The following NCOA3 variants were observed in gnomAD, a reference collection of about 807,000 sequenced individuals.
NCOA3 encodes nuclear receptor coactivator 3.
NCOA3 carries 51 observed loss-of-function variants against 158.8 expected under a neutral mutation model. The observed-to-expected ratio is 0.32, with a 90% CI of 0.26 to 0.41. The LOEUF (loss-of-function observed/expected upper bound fraction) is 0.41, where lower values mean the gene tolerates loss of function less well. Among genes scored for constraint, NCOA3 ranks in the 10% least tolerant of loss-of-function variants. The pLI is 1.00. For synonymous variants in NCOA3, 537 were observed against 592.4 expected, an observed-to-expected ratio of 0.91 and a Z score of 1.36; for missense variants, 1,510 against 1,746.6, an observed-to-expected ratio of 0.86 and a Z score of 2.41.
intron 1 of NCOA3, among the ~76,000 whole-genome samples, chr20:47,569,133 C>T (rs1490067426): frequency 6.6e-6 from 1 of 151,908 alleles, no homozygotes. Context: ...ATCACTTGAG[C>T]CCACGAGTTT....
intron 1 of NCOA3, among the ~76,000 whole-genome samples, chr20:47,511,953 T>C (rs939859050): frequency 2.6e-5 from 4 of 152,096 alleles, no homozygotes; most frequent in African/African-American, 9.7e-5. Flanking sequence ...CTAAAAGTCC[T>C]GGCTTCACCA....
rs1166777115 is a variant in NCOA3 at position 47,505,003 on chromosome 20, GTTTTTTT to G, written c.-99+3004_-99+3010del. Among the ~76,000 whole-genome samples the G allele has an allele frequency of 8.6e-3, 246 of 28,538 alleles. 1 individual carries two copies. Among genetic ancestry groups the G allele is most frequent in the Middle Eastern group, 0.028 (1 of 36 alleles). 18.7% of individuals were successfully genotyped at this position (28,538 alleles called of 152,430 possible). On this transcript the variant is annotated intron_variant, in intron 1 of 22. Coordinates refer to ENST00000371998, the MANE Select transcript of NCOA3 (RefSeq NM_181659.3). Reference sequence around the variant, plus strand: ...TAAAATAAATGGCTTTGGGTTTTTGGTTTTTTTTTTTTTTTTTTTTTTTTTTGCGGGC... The same window carrying G: ...TAAAATAAATGGCTTTGGGTTTTTGGTTTTTTTTTTTTTTTTTTTGCGGGC...
rs189422530 is a variant in NCOA3, at chr20:47,600,721, G to A, written c.-20+17460G>A. On this transcript the variant is annotated intron_variant, in intron 2 of 22. Coordinates refer to ENST00000371998, the MANE Select transcript of NCOA3 (RefSeq NM_181659.3). ...GGTAGAGATGGGGTTTTGCCATGTT[G>A]CCCAGTCTGGTTTCGAACTCCTGGG... Among the ~76,000 whole-genome samples, 63 of 149,152 alleles carry A rather than the reference G, an allele frequency of 4.2e-4. No homozygotes were observed. The East Asian group carries it at 0.012, about 29-fold the overall frequency.
At chr20:47,539,264 C>T (rs2146124573) in intron 1 of NCOA3, among the ~76,000 whole-genome samples, 1 of 152,204 alleles carries the variant, frequency 6.6e-6, no homozygotes. Context: ...AGCTTGATCC[C>T]AAGAGTTTGA....
rs2086345619 is a variant in NCOA3 at position 47,627,720 on chromosome 20, A to G, written c.692A>G (p.Gln231Arg). Reference sequence around the variant, plus strand: ...ACAATGCAGTGCTTTGCCCTGTCTCAGCCACGAGCTATGATGGAGGAAGGG... The same window carrying G: ...ACAATGCAGTGCTTTGCCCTGTCTCGGCCACGAGCTATGATGGAGGAAGGG... ...YETMQCFALS[Q>R]PRAMMEEGED... The change falls in exon 7 of 23, where the codon CAG becomes CGG. Residue 231 changes from glutamine (Q) to arginine (R), a missense_variant. Gln to Arg is a conservative substitution (Grantham distance 43, BLOSUM62 1). Transcript: ENST00000371998. 1 of 1,613,836 alleles carries G rather than the reference A, an allele frequency of 6.2e-7. No homozygotes were observed. Among genetic ancestry groups the G allele is most frequent in the Admixed American group, 1.7e-5 (1 of 59,946 alleles).
intron 1 of NCOA3, among the ~76,000 whole-genome samples, chr20:47,511,556 T>TATATATACACACACACATACACATA (rs1569310943): frequency 3.3e-5 from 1 of 30,196 alleles, no homozygotes; most frequent in Non-Finnish European, 1.0e-4. Flanking sequence ...TATATATATA[T>TATATATACACACACACATACACATA]TTCTTTTTTT....
chr20:47,644,313 G>A (rs1044407188), intron 17 of NCOA3, among the ~76,000 whole-genome samples: 2 of 151,826 alleles, frequency 1.3e-5, no homozygotes, highest in Admixed American at 1.3e-4. Context: ...CTAATTTTTT[G>A]TATTTTTAGT....
intron 2 of NCOA3, among the ~76,000 whole-genome samples, chr20:47,604,335 G>A (rs983952761): frequency 6.6e-6 from 1 of 152,166 alleles, no homozygotes; most frequent in African/African-American, 2.4e-5. Context: ...TGTTAAGTCT[G>A]TGTTCTTTTC....
At position 47,594,664 on chromosome 20, in the gene NCOA3, C is replaced by CAAAAAAAAAAAAAA. The variant is rs377014290; in HGVS notation, c.-20+11421_-20+11434dup. Among the ~76,000 whole-genome samples the CAAAAAAAAAAAAAA allele has an allele frequency of 4.1e-4, 30 of 72,942 alleles. 2 individuals are homozygous for CAAAAAAAAAAAAAA. The highest frequency in any genetic ancestry group is 6.4e-4 in the Non-Finnish European group (26 of 40,714). The allele number at this position is 72,942 out of a possible 152,430, so 47.9% of individuals were successfully genotyped here. On this transcript the variant is annotated intron_variant, in intron 2 of 22. Transcript: ENST00000371998. ...TGGGCGACAGAGCGAGACTCTGTCT[C>CAAAAAAAAAAAAAA]AAAAAAAAAAAAAAAAAAAAAAAAA...
In NCOA3 at chr20:47,608,531, C is replaced by G. The variant is rs372378639; in HGVS notation, c.-19-13698C>G. Among the ~76,000 whole-genome samples, 25 of 148,496 alleles carry G rather than the reference C, an allele frequency of 1.7e-4. No homozygotes were observed. In the Middle Eastern group the frequency reaches 0.011, roughly 66 times the overall value. ...GCACATGCGTGTGGTTCCAGCTACT[C>G]GGGAGGCTGAGGTGGGAGGATCACT... On this transcript the variant is annotated intron_variant, in intron 2 of 22. Coordinates refer to ENST00000371998, the MANE Select transcript of NCOA3 (RefSeq NM_181659.3).
At chr20:47,635,220 T>C (rs778183839) in intron 10 of NCOA3, 102 bp from the exon 11 acceptor site, 13 of 1,185,136 alleles carry the variant, frequency 1.1e-5, no homozygotes, top group Non-Finnish European at 1.4e-5. Flanking sequence ...TTAGCCACTG[T>C]AGCTGGCTGG....
chr20:47,610,663 G>C (rs999667870), intron 2 of NCOA3, among the ~76,000 whole-genome samples: 1 of 152,342 alleles, frequency 6.6e-6, no homozygotes, highest in Middle Eastern at 3.4e-3. Context: ...AGGAAGTCTT[G>C]TGAGTCAGAC....
intron 17 of NCOA3, among the ~76,000 whole-genome samples, chr20:47,645,727 A>G (rs1396826091): frequency 6.6e-6 from 1 of 152,174 alleles, no homozygotes; most frequent in Non-Finnish European, 1.5e-5. Context: ...ATCTTCAGCC[A>G]GGCATGATGG....
intron 1 of NCOA3, among the ~76,000 whole-genome samples, chr20:47,533,819 G>T (rs565792269): frequency 4.6e-5 from 7 of 152,254 alleles, no homozygotes; most frequent in African/African-American, 1.7e-4. Flanking sequence ...TAGCTTACTG[G>T]GGAGGCTGAG....
At chr20:47,653,371 T>C in intron 22 of NCOA3, 35 bp from the exon 23 acceptor site, 2 of 1,067,898 alleles carry the variant, frequency 1.9e-6, no homozygotes, top group Middle Eastern at 2.9e-4. Context: ...TTTACTCATT[T>C]TTTTTTTTTT....
chr20:47,651,611 A>G (rs2086795539), intron 20 of NCOA3, among the ~76,000 whole-genome samples: 1 of 152,092 alleles, frequency 6.6e-6, no homozygotes, highest in African/African-American at 2.4e-5. Flanking sequence ...TGGTCAAGTC[A>G]GTGAGAGGAA....
intron 2 of NCOA3, among the ~76,000 whole-genome samples, chr20:47,596,083 C>T (rs1242089334): frequency 6.6e-6 from 1 of 152,192 alleles, no homozygotes; most frequent in East Asian, 1.9e-4. Context: ...ACTCCTTGAA[C>T]TGAAGAACGG....
chr20:47,596,260 G>GT (rs930717121), intron 2 of NCOA3, among the ~76,000 whole-genome samples: 83 of 151,880 alleles, frequency 5.5e-4, no homozygotes, highest in African/African-American at 1.7e-3. Context: ...TAGTTTTCTT[G>GT]TTTTTTTTAG....
intron 1 of NCOA3, among the ~76,000 whole-genome samples, chr20:47,582,952 G>A (rs961971632): frequency 2.6e-5 from 4 of 152,094 alleles, no homozygotes; most frequent in South Asian, 4.1e-4. Context: ...ATGCCATGTC[G>A]CCCGGCTAAT....
Sources: allele counts gnomAD v4.1 joint callset (sites outside exome capture counted in the v4.1 genomes callset), GRCh38; gene constraint gnomAD v4.1.1; transcripts MANE v1.5; gene names NCBI Gene and HGNC (gene_info 2026-07-23, HGNC 2026-07-21).